The following GPAT4 variants were observed in gnomAD, a reference collection of about 807,000 sequenced individuals.
The protein encoded by GPAT4 is glycerol-3-phosphate acyltransferase 4.
In GPAT4, 17 loss-of-function variants were observed where a neutral mutation model predicts 58.0. The observed-to-expected ratio is 0.29, with a 90% CI of 0.20 to 0.44. GPAT4 has a LOEUF of 0.44. Among genes scored for constraint, GPAT4 ranks in the 20% least tolerant of loss-of-function variants. The probability of loss-of-function intolerance (pLI) is 1.00; values close to 1 mark genes in which losing one functional copy is unlikely to be tolerated. For missense variants in GPAT4, 377 were observed against 574.5 expected (o/e 0.66, Z 3.51); for synonymous variants, 204 against 210.1 (o/e 0.97, Z 0.25).
At chr8:41,582,652 A>G (rs1802552440) in intron 1 of GPAT4, among the ~76,000 whole-genome samples, 1 of 143,498 alleles carries the variant, frequency 7.0e-6, no homozygotes. Flanking sequence ...TAATCATTCC[A>G]CAAGGGGAGG....
At chr8:41,584,282 T>C (rs1802597166) in intron 1 of GPAT4, among the ~76,000 whole-genome samples, 1 of 152,176 alleles carries the variant, frequency 6.6e-6, no homozygotes. Context: ...GAATACAAAA[T>C]GGTACAACCC....
chr8:41,603,667 T>TG (rs968091153), intron 2 of GPAT4, among the ~76,000 whole-genome samples: 13 of 151,864 alleles, frequency 8.6e-5, no homozygotes, highest in South Asian at 4.2e-4. Context: ...ACAGAGGATG[T>TG]GGGGGGGCAG....
At chr8:41,620,835 T>C (rs1359980136) in intron 12 of GPAT4, 58 bp from the exon 13 acceptor site, 1 of 1,547,972 alleles carries the variant, frequency 6.5e-7, no homozygotes. Context: ...TCTCCCATGG[T>C]GTGAGCGTGG....
At chr8:41,615,449 A>G (rs1585675281) in intron 10 of GPAT4, among the ~76,000 whole-genome samples, 6 of 135,970 alleles carry the variant, frequency 4.4e-5, no homozygotes, top group Non-Finnish European at 6.3e-5. Context: ...AGCCATGAGG[A>G]TTGGGGGGGG....
chr8:41,610,489 A>G (rs984879766), intron 4 of GPAT4: 5 of 1,354,502 alleles, frequency 3.7e-6, no homozygotes, highest in Non-Finnish European at 4.8e-6. Flanking sequence ...CCAGCCTTCC[A>G]GCTGCCTGAG....
In GPAT4 at chr8:41,609,815, A is replaced by G; in HGVS notation, c.396A>G (p.Thr132=). The G allele has an allele frequency of 6.2e-7, 1 of 1,614,208 alleles. No individual in the cohort carries two copies. The highest frequency in any genetic ancestry group is 8.5e-7 in the Non-Finnish European group (1 of 1,180,032). The stretch of plus-strand genomic sequence containing the variant: ...AGACCATTATGGATGATGAGGTGAC[A>G]AAGAGATTCTCAGCAGAAGAACTGG... ...GMETIMDDEV[T]KRFSAEELES... The change falls in exon 4 of 13, where the codon ACA becomes ACG. Residue 132 remains threonine (T), a synonymous_variant. Transcript: ENST00000396987.
intron 1 of GPAT4, among the ~76,000 whole-genome samples, chr8:41,595,668 T>A (rs1383735641): frequency 6.6e-6 from 1 of 152,154 alleles, no homozygotes; most frequent in Non-Finnish European, 1.5e-5. Context: ...AGGGTACACT[T>A]TTTTTCTTAA....
intron 2 of GPAT4, 26 bp from the exon 3 acceptor site, chr8:41,609,390 T>C (rs1803374175): frequency 1.2e-6 from 2 of 1,609,514 alleles, no homozygotes; most frequent in African/African-American, 2.7e-5. Flanking sequence ...TTCTTGCTCT[T>C]GTATCTTGCT....
rs142996131 is a variant in GPAT4 at position 41,603,265 on chromosome 8, G to T, written c.165+3961G>T. ...TCTGGGGCTGGGCGCAGTGGCTCAT[G>T]CCTGTAATCCCGGCACTTTGGGAGG... On this transcript the variant is annotated intron_variant, in intron 2 of 12. Coordinates refer to ENST00000396987, the MANE Select transcript of GPAT4 (RefSeq NM_178819.4). Among the ~76,000 whole-genome samples the T allele has an allele frequency of 7.7e-4, 117 of 152,296 alleles. 2 individuals carry two copies. Among genetic ancestry groups the T allele is most frequent in the African/African-American group, 2.5e-3 (102 of 41,558 alleles).
intron 2 of GPAT4, among the ~76,000 whole-genome samples, chr8:41,605,874 T>C (rs1400897352): frequency 6.6e-6 from 1 of 152,100 alleles, no homozygotes; most frequent in Non-Finnish European, 1.5e-5. Context: ...GCCCAGCCCA[T>C]TGAAGATTTT....
chr8:41,605,920 A>G (rs1338039831), intron 2 of GPAT4, among the ~76,000 whole-genome samples: 1 of 152,156 alleles, frequency 6.6e-6, no homozygotes, highest in East Asian at 1.9e-4. Flanking sequence ...CTCTGGCAGC[A>G]TGTGGATCGG....
In GPAT4 at chr8:41,621,126, C is replaced by G. The variant is rs976622065; in HGVS notation, c.*125C>G. On this transcript the variant is annotated 3_prime_UTR_variant, in exon 13 of 13. Coordinates refer to ENST00000396987, the MANE Select transcript of GPAT4 (RefSeq NM_178819.4). Reference sequence around the variant, plus strand: ...AGGGCTCCCCGGGCTGCTCTGGATCCCAGGACTCCGGCTTTCGCCGAGCCG... The same window carrying G: ...AGGGCTCCCCGGGCTGCTCTGGATCGCAGGACTCCGGCTTTCGCCGAGCCG... 8.8e-6 allele frequency: 12 copies of G among 1,361,112 alleles called. No individual in the cohort carries two copies. The highest frequency in any genetic ancestry group is 1.5e-5 in the African/African-American group (1 of 68,352). 84.3% of individuals were successfully genotyped at this position (1,361,112 alleles called of 1,614,324 possible).
intron 11 of GPAT4, 33 bp downstream of exon 11, chr8:41,618,845 C>T: frequency 6.2e-7 from 1 of 1,614,238 alleles, no homozygotes; most frequent in Non-Finnish European, 8.5e-7. Flanking sequence ...TCTGCGCCTG[C>T]TCTGTGTAAC....
rs552052485 is a variant in GPAT4 at position 41,594,706 on chromosome 8, T to C, written c.-848-3586T>C. 9.2e-5 allele frequency among the ~76,000 whole-genome samples: 14 copies of C among 151,942 alleles called. No individual in the cohort carries two copies. In the East Asian group the frequency reaches 2.1e-3, roughly 23 times the overall value. ...GACTACAGGCGCCCGCCACCACACC[T>C]GGCTAATTTTTTGTATTTTTAGTAG... On this transcript the variant is annotated intron_variant, in intron 1 of 12. Coordinates refer to ENST00000396987, the MANE Select transcript of GPAT4 (RefSeq NM_178819.4).
intron 1 of GPAT4, among the ~76,000 whole-genome samples, chr8:41,589,346 G>A (rs1802731507): frequency 9.4e-6 from 1 of 105,856 alleles, no homozygotes; most frequent in South Asian, 2.9e-4. Context: ...AAAGGAACTC[G>A]GGGTGGGGTG....
At chr8:41,610,493 G>A in intron 4 of GPAT4, 1 of 1,363,626 alleles carries the variant, frequency 7.3e-7, no homozygotes, top group South Asian at 1.5e-5. Context: ...CCTTCCAGCT[G>A]CCTGAGGCCT....
intron 4 of GPAT4, chr8:41,610,522 G>C: frequency 7.0e-7 from 1 of 1,424,586 alleles, no homozygotes; most frequent in Non-Finnish European, 9.2e-7. Context: ...GCAGGCAGCT[G>C]AGAGCCAGAC....
chr8:41,620,600 T>TA (rs1486146089), intron 12 of GPAT4, among the ~76,000 whole-genome samples: 1 of 152,212 alleles, frequency 6.6e-6, no homozygotes, highest in Non-Finnish European at 1.5e-5. Flanking sequence ...AGATGAATGT[T>TA]AGAGTAGAAA....
chr8:41,585,179 C>T (rs958854001), intron 1 of GPAT4, among the ~76,000 whole-genome samples: 2 of 152,214 alleles, frequency 1.3e-5, no homozygotes, highest in Non-Finnish European at 2.9e-5. Flanking sequence ...TTTCCTCATG[C>T]CTGTGTGTGC....
Sources: gnomAD v4.1 joint callset for allele counts (sites outside exome capture counted in the v4.1 genomes callset) on GRCh38, gnomAD v4.1.1 for gene constraint, MANE v1.5 for transcripts, NCBI Gene and HGNC (gene_info 2026-07-23, HGNC 2026-07-21) for gene names.